RNF38: variants seen among roughly 807,000 people sequenced by gnomAD.
The protein encoded by RNF38 is ring finger protein 38.
RNF38 carries 15 observed loss-of-function variants against 67.2 expected under a neutral mutation model. The ratio of observed to expected loss-of-function variants is 0.22; its 90% CI spans 0.15 to 0.34. The LOEUF (loss-of-function observed/expected upper bound fraction) is 0.34. Ranked by LOEUF, RNF38 falls within the 10% of genes least tolerant of loss-of-function variation. The pLI is 1.00. For synonymous variants in RNF38, 220 were observed against 218.8 expected (o/e 1.01, Z -0.05); for missense variants, 524 against 639.9 (o/e 0.82, Z 1.95).
At chr9:36,403,283 A>G (rs1838102858), upstream of RNF38, among the ~76,000 whole-genome samples, 1 of 152,256 alleles carries the variant, frequency 6.6e-6, no homozygotes, top group South Asian at 2.1e-4. Flanking sequence ...CAAAGGTGGA[A>G]AGTCCCACTG....
At chr9:36,376,225 TA>T in intron 2 of RNF38, 98 bp from the exon 3 acceptor site, 3 of 903,150 alleles carry the variant, frequency 3.3e-6, no homozygotes, top group Non-Finnish European at 4.8e-6. Context: ...ACCTAAAATC[TA>T]AAAATGTAAA....
At chr9:36,482,224 T>C (rs1327230803) in intron 1 of RNF38, among the ~76,000 whole-genome samples, 2 of 151,448 alleles carry the variant, frequency 1.3e-5, no homozygotes, top group Non-Finnish European at 2.9e-5. Flanking sequence ...TGGCTAATTT[T>C]GTATTTTTAG....
At chr9:36,446,186 A>G (rs1215761753) in intron 1 of RNF38, among the ~76,000 whole-genome samples, 1 of 152,200 alleles carries the variant, frequency 6.6e-6, no homozygotes, top group African/African-American at 2.4e-5. Flanking sequence ...CTATGCCAGC[A>G]GCCTCTGCTA....
chr9:36,467,326 A>T (rs1316058639), intron 1 of RNF38, among the ~76,000 whole-genome samples: 1 of 149,742 alleles, frequency 6.7e-6, no homozygotes, highest in Non-Finnish European at 1.5e-5. Flanking sequence ...ATTTAAAATT[A>T]TGAAAAAAAT....
intron 6 of RNF38, among the ~76,000 whole-genome samples, chr9:36,355,223 T>A (rs1834012424): frequency 6.6e-6 from 1 of 152,236 alleles, no homozygotes; most frequent in Admixed American, 6.5e-5. Flanking sequence ...GTAAGACTGC[T>A]ACAATAAACT....
At chr9:36,400,410 G>A (rs1837924703), upstream of RNF38, 5 of 1,127,376 alleles carry the variant, frequency 4.4e-6, no homozygotes, top group South Asian at 1.4e-4. Context: ...CTGAGACCGC[G>A]CCTCCTCGCC....
chr9:36,370,979 G>A (rs1033491695), intron 3 of RNF38, among the ~76,000 whole-genome samples: 8 of 151,908 alleles, frequency 5.3e-5, no homozygotes, highest in African/African-American at 1.2e-4. Flanking sequence ...ACTAGTCATC[G>A]ACATAGTTTA....
intron 6 of RNF38, among the ~76,000 whole-genome samples, chr9:36,354,687 T>C (rs754974150): frequency 2.0e-5 from 3 of 152,246 alleles, no homozygotes; most frequent in Non-Finnish European, 4.4e-5. Context: ...GACATTTGGA[T>C]TGTCCACTCT....
At chr9:36,445,513 A>G (rs1827769832) in intron 1 of RNF38, among the ~76,000 whole-genome samples, 1 of 152,198 alleles carries the variant, frequency 6.6e-6, no homozygotes, top group South Asian at 2.1e-4. Flanking sequence ...TGGTCACCAT[A>G]TGTATGAAAG....
intron 2 of RNF38, among the ~76,000 whole-genome samples, chr9:36,377,774 TTAA>T (rs761678250): frequency 6.6e-6 from 1 of 152,236 alleles, no homozygotes; most frequent in Admixed American, 6.5e-5. Context: ...TCTAGATTAC[TTAA>T]TAATATCAAC....
chr9:36,340,922 T>G (rs1832782831), intron 11 of RNF38, among the ~76,000 whole-genome samples: 1 of 152,124 alleles, frequency 6.6e-6, no homozygotes, highest in Non-Finnish European at 1.5e-5. Flanking sequence ...ATCTTATTTC[T>G]GCATTACAGT....
chr9:36,380,725 C>T (rs1450140586), intron 2 of RNF38, among the ~76,000 whole-genome samples: 1 of 152,162 alleles, frequency 6.6e-6, no homozygotes, highest in Non-Finnish European at 1.5e-5. Flanking sequence ...AACTCCTGGG[C>T]TCAAGCAATC....
chr9:36,460,942 A>G (rs2381524), intron 1 of RNF38, among the ~76,000 whole-genome samples: 100,508 of 150,632 alleles, frequency 0.67, 33,628 homozygotes, highest in Non-Finnish European at 0.69. Context: ...GCTGGTCGCG[A>G]TGGCTCACAA....
intron 3 of RNF38, among the ~76,000 whole-genome samples, chr9:36,370,908 TA>T (rs569848466): frequency 6.8e-5 from 10 of 148,138 alleles, no homozygotes; most frequent in Admixed American, 6.7e-5. Context: ...GACCATGTCT[TA>T]AAAAAAAAAG....
Position 36,434,789 on chromosome 9 carries a change from T to C in RNF38, n.242-10106A>G, listed in dbSNP as rs1839023846. Among the ~76,000 whole-genome samples, 3 of 152,228 alleles carry C rather than the reference T, an allele frequency of 2.0e-5. No individual in the cohort carries two copies. The South Asian group carries it at 6.2e-4, about 32-fold the overall frequency. Reference sequence around the variant, plus strand: ...TGTGTACAAATTATGCATCACGGTTTATTGCATGCCTCTCAAGATTAGAAC... The same window carrying C: ...TGTGTACAAATTATGCATCACGGTTCATTGCATGCCTCTCAAGATTAGAAC... On this transcript the variant is annotated intron_variant and non_coding_transcript_variant, in intron 1 of 3. Transcript: ENST00000488058.
intron 1 of RNF38, among the ~76,000 whole-genome samples, chr9:36,430,335 T>C (rs1387146325): frequency 6.6e-6 from 1 of 151,884 alleles, no homozygotes; most frequent in African/African-American, 2.4e-5. Flanking sequence ...GACTCCGGAG[T>C]AGCTGGAATT....
Position 36,376,087 on chromosome 9 carries a change from T to C in RNF38, c.203A>G (p.His68Arg), listed in dbSNP as rs1835764425. ...SPSPKRQRLS[H>R]SVFDYTSASP... ...TGCTGATGTATAATCAAAGACTGAA[T>C]GAGAGAGGCGCTGTCTCTTAGGACT... is the stretch of plus-strand genomic sequence containing the variant. The change falls in exon 3 of 12, where the codon CAT (histidine) becomes CGT (arginine). Residue 68 changes from histidine (H) to arginine (R), a missense_variant. This residue lies in a region of RNF38 where 461 missense variants were observed against 517.4 expected (regional missense o/e 0.89). Transcript: ENST00000259605. 1.2e-6 allele frequency: 2 copies of C among 1,609,712 alleles called. No homozygotes were observed. Among genetic ancestry groups the C allele is most frequent in the Non-Finnish European group, 1.7e-6 (2 of 1,178,662 alleles).
In RNF38 at chr9:36,337,566, T is replaced by C. The variant is rs919812163; in HGVS notation, c.*2186A>G. ...GCTTCAATAAAATGAATACTGAGTG[T>C]CGTAGTGTTAGATCTGTACAGATAT... On this transcript the variant is annotated 3_prime_UTR_variant, in exon 12 of 12. Coordinates refer to ENST00000259605, the MANE Select transcript of RNF38 (RefSeq NM_022781.5). 2.0e-5 allele frequency: 3 copies of C among 152,656 alleles called. No homozygotes were observed. Among genetic ancestry groups the C allele is most frequent in the African/African-American group, 4.8e-5 (2 of 41,444 alleles). The allele number at this position is 152,656 out of a possible 1,614,324, so 9.5% of individuals were successfully genotyped here.
chr9:36,441,631 TTAAAATACTGATTATAATATA>T (rs1158123681), intron 1 of RNF38, among the ~76,000 whole-genome samples: 1 of 152,120 alleles, frequency 6.6e-6, no homozygotes. Context: ...CCCAAATCTT[TTAAAATACTGATTATAATATA>T]ATATCACCTA....
Sources: gnomAD v4.1 joint callset for allele counts (sites outside exome capture counted in the v4.1 genomes callset) on GRCh38, gnomAD v4.1.1 for gene constraint, gnomAD v4.1.1 regional missense constraint, MANE v1.5 for transcripts, NCBI Gene and HGNC (gene_info 2026-07-23, HGNC 2026-07-21) for gene names.